Variants in CNTN5 observed in about 807,000 individuals in gnomAD.
CNTN5 encodes contactin 5.
In CNTN5, 77 loss-of-function variants were observed where a neutral mutation model predicts 129.1. That is an observed-to-expected ratio of 0.60 (90% confidence interval 0.50 to 0.72). The LOEUF is 0.72. CNTN5 is among the 30% of genes least tolerant of loss of function. The pLI is 0.00. For synonymous variants in CNTN5, 509 were observed against 465.6 expected (o/e 1.09, Z -1.20); for missense variants, 1,478 against 1,328.8 (o/e 1.11, Z -1.75).
At chr11:99,974,246 T>C (rs1310836836) in intron 8 of CNTN5, among the ~76,000 whole-genome samples, 2 of 152,330 alleles carry the variant, frequency 1.3e-5, no homozygotes, top group African/African-American at 2.4e-5. Flanking sequence ...GCAAGTCCTA[T>C]TGCTCATGCT....
At chr11:100,189,896 T>A (rs1217058425) in intron 13 of CNTN5, among the ~76,000 whole-genome samples, 1 of 152,130 alleles carries the variant, frequency 6.6e-6, no homozygotes, top group Non-Finnish European at 1.5e-5. Flanking sequence ...TAAATCAAGT[T>A]TGATCCATAT....
chr11:99,788,841 T>A (rs147551811), intron 3 of CNTN5, among the ~76,000 whole-genome samples: 21 of 151,936 alleles, frequency 1.4e-4, no homozygotes, highest in African/African-American at 5.1e-4. Flanking sequence ...ATCTATTTTA[T>A]ATACGGGGAA....
At chr11:99,756,947 AAAC>A (rs1944423998) in intron 3 of CNTN5, among the ~76,000 whole-genome samples, 2 of 151,876 alleles carry the variant, frequency 1.3e-5, no homozygotes, top group African/African-American at 4.8e-5. Context: ...CATTTGACTA[AAAC>A]AACATGTGCT....
intron 2 of CNTN5, among the ~76,000 whole-genome samples, chr11:99,362,187 A>G (rs919683727): frequency 6.6e-6 from 1 of 151,996 alleles, no homozygotes; most frequent in African/African-American, 2.4e-5. Flanking sequence ...TTATGGGTAT[A>G]AAGTGGGATC....
At chr11:99,403,391 C>A (rs1245058669) in intron 2 of CNTN5, among the ~76,000 whole-genome samples, 1 of 151,538 alleles carries the variant, frequency 6.6e-6, no homozygotes, top group Non-Finnish European at 1.5e-5. Flanking sequence ...TTTTTTTCTT[C>A]TACAAATTTT....
intron 1 of CNTN5, among the ~76,000 whole-genome samples, chr11:99,208,510 A>G (rs1031851969): frequency 1.3e-5 from 2 of 152,154 alleles, no homozygotes; most frequent in African/African-American, 4.8e-5. Context: ...CAAATCTGCA[A>G]TCGATTTACA....
intron 13 of CNTN5, among the ~76,000 whole-genome samples, chr11:100,163,955 G>A (rs1947539076): frequency 6.6e-6 from 1 of 151,756 alleles, no homozygotes; most frequent in South Asian, 2.1e-4. Flanking sequence ...AAGAATTGAG[G>A]CTTAGAGAAG....
chr11:99,385,082 T>C (rs1173296634), intron 2 of CNTN5, among the ~76,000 whole-genome samples: 1 of 152,206 alleles, frequency 6.6e-6, no homozygotes, highest in Non-Finnish European at 1.5e-5. Context: ...TATTTTATGG[T>C]AAGCTATGTA....
chr11:99,378,055 T>C (rs1940297831), intron 2 of CNTN5, among the ~76,000 whole-genome samples: 2 of 152,194 alleles, frequency 1.3e-5, no homozygotes. Flanking sequence ...CTAATTATAT[T>C]ATCTTTTGGA....
At chr11:99,960,457 A>G (rs572292300) in intron 8 of CNTN5, among the ~76,000 whole-genome samples, 3 of 152,270 alleles carry the variant, frequency 2.0e-5, no homozygotes, top group Admixed American at 6.5e-5. Flanking sequence ...TGGAAAATCA[A>G]TAAATATCTA....
intron 3 of CNTN5, among the ~76,000 whole-genome samples, chr11:99,727,566 T>G (rs997294379): frequency 1.3e-5 from 2 of 150,546 alleles, no homozygotes; most frequent in Non-Finnish European, 2.9e-5. Context: ...ATATTTCCCA[T>G]TTCCAAGTAG....
intron 9 of CNTN5, among the ~76,000 whole-genome samples, chr11:100,058,057 A>G (rs1943307453): frequency 6.6e-6 from 1 of 152,142 alleles, no homozygotes; most frequent in African/African-American, 2.4e-5. Flanking sequence ...CTTAACTACT[A>G]GAATATGTAA....
chr11:99,158,572 T>A (rs1860446484), intron 1 of CNTN5, among the ~76,000 whole-genome samples: 1 of 152,154 alleles, frequency 6.6e-6, no homozygotes, highest in Non-Finnish European at 1.5e-5. Context: ...AACCCCAGTA[T>A]TAAAAACACG....
At chr11:99,260,579 C>A (rs543065643) in intron 1 of CNTN5, among the ~76,000 whole-genome samples, 20 of 151,856 alleles carry the variant, frequency 1.3e-4, no homozygotes, top group Non-Finnish European at 2.5e-4. Context: ...AAAATTTGGT[C>A]CAAATCATTA....
At chr11:99,305,345 T>A (rs1040124286) in intron 1 of CNTN5, among the ~76,000 whole-genome samples, 1 of 152,220 alleles carries the variant, frequency 6.6e-6, no homozygotes, top group African/African-American at 2.4e-5. Flanking sequence ...AACATCTGTT[T>A]GAGTTTCACA....
Position 99,767,940 on chromosome 11 carries a change from C to G in CNTN5, c.56-51604C>G, listed in dbSNP as rs146388854. Reference sequence around the variant, plus strand: ...CACCCATATAAATACTCACGTAGCTCAGGGATCTTCAAACTAGAGTTTCAT... The same window carrying G: ...CACCCATATAAATACTCACGTAGCTGAGGGATCTTCAAACTAGAGTTTCAT... On this transcript the variant is annotated intron_variant, in intron 3 of 24. Coordinates refer to ENST00000524871, the MANE Select transcript of CNTN5 (RefSeq NM_014361.4). Among the ~76,000 whole-genome samples the G allele has an allele frequency of 1.2e-4, 19 of 152,146 alleles. No individual in the cohort carries two copies. In the East Asian group the frequency reaches 1.9e-3, roughly 15 times the overall value.
rs538281548 is a variant in CNTN5 at position 99,719,499 on chromosome 11, T to C, written c.56-100045T>C. Among the ~76,000 whole-genome samples, 166 of 152,162 alleles carry C rather than the reference T, an allele frequency of 1.1e-3. 1 individual carries two copies. The highest frequency in any genetic ancestry group is 1.9e-3 in the Non-Finnish European group (130 of 68,006). On this transcript the variant is annotated intron_variant, in intron 3 of 24. Coordinates refer to ENST00000524871, the MANE Select transcript of CNTN5 (RefSeq NM_014361.4). The stretch of plus-strand genomic sequence containing the variant: ...GTGAAGAGGAAACAAAGGATGAAGA[T>C]GAAGCAAGATTTTGAGGCAATGAAT...
At chr11:99,319,491 A>C (rs1430517748) in intron 1 of CNTN5, among the ~76,000 whole-genome samples, 1 of 152,186 alleles carries the variant, frequency 6.6e-6, no homozygotes, top group Non-Finnish European at 1.5e-5. Context: ...CTTATCACAC[A>C]GCATTGGAAT....
intron 13 of CNTN5, among the ~76,000 whole-genome samples, chr11:100,142,812 C>T (rs142619152): frequency 6.6e-6 from 1 of 152,104 alleles, no homozygotes; most frequent in East Asian, 1.9e-4. Flanking sequence ...AAAGTGATTA[C>T]ATATTAGTAG....
Sources: allele counts gnomAD v4.1 joint callset (sites outside exome capture counted in the v4.1 genomes callset), GRCh38; gene constraint gnomAD v4.1.1; transcripts MANE v1.5; gene names NCBI Gene and HGNC (gene_info 2026-07-23, HGNC 2026-07-21).